KHDRBS2: variants seen among roughly 807,000 people sequenced by gnomAD.
The protein encoded by KHDRBS2 is KH RNA binding domain containing, signal transduction associated 2, also known as KH domain-containing, RNA-binding, signal transduction-associated protein 2.
A neutral mutation model predicts 44.3 loss-of-function variants in KHDRBS2; 26 were observed. The observed-to-expected ratio is 0.59, with a 90% CI of 0.43 to 0.81. KHDRBS2 has a LOEUF of 0.81. Ranked by LOEUF, KHDRBS2 falls within the 40% of genes least tolerant of loss-of-function variation. The probability of loss-of-function intolerance (pLI) is 0.00; values close to 1 mark genes in which losing one functional copy is unlikely to be tolerated. For missense variants in KHDRBS2, 476 were observed against 433.1 expected (o/e 1.10, Z -0.88); for synonymous variants, 194 against 151.1 (o/e 1.28, Z -2.08).
chr6:61,723,528 A>G (rs1185043577), intron 7 of KHDRBS2, among the ~76,000 whole-genome samples: 1 of 152,004 alleles, frequency 6.6e-6, no homozygotes, highest in East Asian at 1.9e-4. Flanking sequence ...CCAGCCTGGC[A>G]ACAGAGAAAG....
At chr6:61,555,827 T>A in the KHDRBS2 span, among the ~76,000 whole-genome samples, 1 of 152,216 alleles carries the variant, frequency 6.6e-6, no homozygotes, top group African/African-American at 2.4e-5. Context: ...ATGCTTTAAC[T>A]TGGGGGCCTG....
chr6:61,768,181 G>A (rs933158949), intron 6 of KHDRBS2, among the ~76,000 whole-genome samples: 13 of 152,164 alleles, frequency 8.5e-5, no homozygotes, highest in Admixed American at 4.6e-4. Context: ...TGGCCTGTAA[G>A]GTTTCCACTG....
At chr6:61,923,023 A>G (rs972552419) in intron 4 of KHDRBS2, among the ~76,000 whole-genome samples, 1 of 152,140 alleles carries the variant, frequency 6.6e-6, no homozygotes, top group African/African-American at 2.4e-5. Context: ...ACATTAAAAC[A>G]GTTATGATAA....
chr6:62,009,740 C>A (rs1308256460), intron 3 of KHDRBS2, among the ~76,000 whole-genome samples: 1 of 152,204 alleles, frequency 6.6e-6, no homozygotes, highest in Non-Finnish European at 1.5e-5. Context: ...TCAAAAGGTG[C>A]AACCCTCAAG....
chr6:61,955,897 C>T (rs756459447), intron 4 of KHDRBS2, among the ~76,000 whole-genome samples: 1 of 152,002 alleles, frequency 6.6e-6, no homozygotes, highest in Non-Finnish European at 1.5e-5. Flanking sequence ...GAAGCTGAGA[C>T]ACAAATAAGT....
At chr6:62,173,152 C>A (rs1401594519) in intron 2 of KHDRBS2, among the ~76,000 whole-genome samples, 1 of 149,886 alleles carries the variant, frequency 6.7e-6, no homozygotes, top group Non-Finnish European at 1.5e-5. Context: ...GGAGTTGGTT[C>A]GCTGAAAGAG....
intron 6 of KHDRBS2, among the ~76,000 whole-genome samples, chr6:61,739,036 T>C (rs1775788521): frequency 6.6e-6 from 1 of 151,892 alleles, no homozygotes; most frequent in Non-Finnish European, 1.5e-5. Context: ...CGTGTGTCTA[T>C]GCACATATAC....
chr6:61,967,788 T>C (rs1770378618), intron 4 of KHDRBS2, among the ~76,000 whole-genome samples: 1 of 151,392 alleles, frequency 6.6e-6, no homozygotes, highest in African/African-American at 2.4e-5. Flanking sequence ...GCTCTTAAAA[T>C]TTCCATGAGA....
At chr6:61,973,323 T>G (rs1771827803) in intron 4 of KHDRBS2, among the ~76,000 whole-genome samples, 1 of 152,182 alleles carries the variant, frequency 6.6e-6, no homozygotes, top group African/African-American at 2.4e-5. Flanking sequence ...TTACATTTAC[T>G]TACTTACCAG....
chr6:62,054,353 C>T (rs1385296802), intron 2 of KHDRBS2, among the ~76,000 whole-genome samples: 1 of 151,980 alleles, frequency 6.6e-6, no homozygotes, highest in Non-Finnish European at 1.5e-5. Context: ...CAATGGAATC[C>T]AGAATCCATT....
At chr6:61,874,331 C>T (rs964646276) in intron 6 of KHDRBS2, among the ~76,000 whole-genome samples, 2 of 152,068 alleles carry the variant, frequency 1.3e-5, no homozygotes, top group Non-Finnish European at 2.9e-5. Flanking sequence ...TCACTTAGAA[C>T]ATTTGTCAAC....
chr6:62,235,117 G>T (rs1833507052), intron 1 of KHDRBS2, among the ~76,000 whole-genome samples: 1 of 122,528 alleles, frequency 8.2e-6, no homozygotes, highest in East Asian at 2.4e-4. Context: ...AGGAAACATT[G>T]GACTAATGCT....
At chr6:61,757,146 G>T (rs556785262) in intron 6 of KHDRBS2, among the ~76,000 whole-genome samples, 1 of 152,176 alleles carries the variant, frequency 6.6e-6, no homozygotes, top group South Asian at 2.1e-4. Context: ...TTCTGCTGCT[G>T]CTTGGTGAAG....
chr6:61,936,517 A>G (rs1460505153), intron 4 of KHDRBS2, among the ~76,000 whole-genome samples: 5 of 150,812 alleles, frequency 3.3e-5, no homozygotes, highest in Non-Finnish European at 7.4e-5. Flanking sequence ...TTTAAGTTAG[A>G]TTTTTTTTTA....
intron 4 of KHDRBS2, among the ~76,000 whole-genome samples, chr6:61,927,417 A>G (rs1180476524): frequency 6.6e-6 from 1 of 152,132 alleles, no homozygotes; most frequent in Non-Finnish European, 1.5e-5. Flanking sequence ...GTTAGTCATC[A>G]AAATTTCAGA....
In KHDRBS2 at chr6:61,771,670, C is replaced by A. The variant is rs570021141; in HGVS notation, c.811-38906G>T. Among the ~76,000 whole-genome samples the A allele has an allele frequency of 9.2e-5, 14 of 152,256 alleles. 1 individual carries two copies. Among genetic ancestry groups the A allele is most frequent in the Admixed American group, 5.9e-4 (9 of 15,292 alleles). The stretch of plus-strand genomic sequence containing the variant: ...AATATATATGCACCCAATACAGGAG[C>A]ACCCAGATTCATAAAGCAAGTCTTT... On this transcript the variant is annotated intron_variant, in intron 6 of 8. Transcript: ENST00000281156.
intron 2 of KHDRBS2, among the ~76,000 whole-genome samples, chr6:62,142,391 C>A (rs182446912): frequency 7.2e-5 from 11 of 152,156 alleles, no homozygotes; most frequent in Admixed American, 7.2e-4. Flanking sequence ...TACAACCTTC[C>A]ATCTCTCGGA....
At chr6:62,227,706 C>A (rs1183927914) in intron 1 of KHDRBS2, among the ~76,000 whole-genome samples, 2 of 152,222 alleles carry the variant, frequency 1.3e-5, no homozygotes, top group South Asian at 2.1e-4. Flanking sequence ...CTATCAATAA[C>A]TAGTTTATTG....
intron 4 of KHDRBS2, among the ~76,000 whole-genome samples, chr6:61,954,176 C>A (rs1010681026): frequency 5.9e-5 from 9 of 151,952 alleles, no homozygotes; most frequent in Non-Finnish European, 1.0e-4. Context: ...AAGCACCTGC[C>A]AAGGTCTGGG....
Sources: gnomAD v4.1 joint callset for allele counts (sites outside exome capture counted in the v4.1 genomes callset) on GRCh38, gnomAD v4.1.1 for gene constraint, MANE v1.5 for transcripts, NCBI Gene and HGNC (gene_info 2026-07-23, HGNC 2026-07-21) for gene names.